Variants in KITLG observed in about 807,000 individuals in gnomAD.
The protein encoded by KITLG is KIT ligand.
In KITLG, 13 loss-of-function variants were observed where a neutral mutation model predicts 34.1. The ratio of observed to expected loss-of-function variants is 0.38; its 90% CI spans 0.25 to 0.61. KITLG has a LOEUF of 0.61. Among genes scored for constraint, KITLG ranks in the 20% least tolerant of loss-of-function variants. KITLG has a pLI of 0.60. For missense variants in KITLG, 292 were observed against 318.9 expected (o/e 0.92, Z 0.64); for synonymous variants, 110 against 104.0 (o/e 1.06, Z -0.35).
At chr12:88,529,328 C>A (rs1423159390) in intron 3 of KITLG, among the ~76,000 whole-genome samples, 1 of 152,000 alleles carries the variant, frequency 6.6e-6, no homozygotes. Flanking sequence ...CCAGAAATAT[C>A]CAGGTATTCT....
At position 88,499,141 on chromosome 12, in the gene KITLG, G is replaced by A. The variant is rs574195197; in HGVS notation, c.*38-1960C>T. Reference sequence around the variant, plus strand: ...GTTTAAAAGACATGAACTGATAACTGATATAAATTCATCTAGTATTCTACA... The same window carrying A: ...GTTTAAAAGACATGAACTGATAACTAATATAAATTCATCTAGTATTCTACA... On this transcript the variant is annotated intron_variant, in intron 9 of 9. Coordinates refer to ENST00000644744, the MANE Select transcript of KITLG (RefSeq NM_000899.5). 3.3e-5 allele frequency among the ~76,000 whole-genome samples: 5 copies of A among 152,182 alleles called. No individual in the cohort carries two copies. In the South Asian group the frequency reaches 1.0e-3, roughly 32 times the overall value.
intron 1 of KITLG, among the ~76,000 whole-genome samples, chr12:88,557,101 C>G (rs1415079072): frequency 1.3e-5 from 2 of 152,110 alleles, no homozygotes; most frequent in African/African-American, 4.8e-5. Context: ...TCACTTCGGT[C>G]TTGGTAGAAG....
intron 9 of KITLG, among the ~76,000 whole-genome samples, chr12:88,498,570 C>G (rs1868728870): frequency 6.6e-6 from 1 of 152,042 alleles, no homozygotes; most frequent in Admixed American, 6.6e-5. Context: ...AAACACAAAG[C>G]TTAATATAGA....
intron 3 of KITLG, among the ~76,000 whole-genome samples, chr12:88,519,140 G>A (rs1483526774): frequency 2.0e-5 from 3 of 152,022 alleles, no homozygotes; most frequent in African/African-American, 7.2e-5. Flanking sequence ...GGGATTACAA[G>A]CATGAACCAC....
At chr12:88,508,823 T>G (rs1355565546) in intron 6 of KITLG, among the ~76,000 whole-genome samples, 1 of 152,094 alleles carries the variant, frequency 6.6e-6, no homozygotes, top group African/African-American at 2.4e-5. Context: ...TTGGTATAAT[T>G]AAAGTACTAT....
chr12:88,546,112 C>A, intron 1 of KITLG: 1 of 565,634 alleles, frequency 1.8e-6, no homozygotes. Flanking sequence ...TTTCTTCAGC[C>A]AATTTCCCAA....
At position 88,517,861 on chromosome 12, in the gene KITLG, G is replaced by C. The variant is rs192891294; in HGVS notation, c.363+836C>G. ...GATGGGACACAGGAAAAAGCATTTAGGTATTAAGGTACAGAATCCTGCTTA... is the reference window on the plus strand; with the variant it reads ...GATGGGACACAGGAAAAAGCATTTACGTATTAAGGTACAGAATCCTGCTTA... On this transcript the variant is annotated intron_variant, in intron 4 of 9. Coordinates refer to ENST00000644744, the MANE Select transcript of KITLG (RefSeq NM_000899.5). Among the ~76,000 whole-genome samples, 348 of 152,164 alleles carry C rather than the reference G, an allele frequency of 2.3e-3. 2 individuals are homozygous for C. The highest frequency in any genetic ancestry group is 0.014 in the Middle Eastern group (4 of 294).
intron 2 of KITLG, among the ~76,000 whole-genome samples, chr12:88,541,299 C>T (rs563656139): frequency 3.1e-4 from 47 of 152,188 alleles, no homozygotes; most frequent in Middle Eastern, 3.4e-3. Flanking sequence ...GTAGACTGAC[C>T]TTGAAAAGAC....
intron 1 of KITLG, among the ~76,000 whole-genome samples, chr12:88,578,940 A>G (rs1871918892): frequency 6.6e-6 from 1 of 152,226 alleles, no homozygotes; most frequent in Non-Finnish European, 1.5e-5. Flanking sequence ...TGGTGATTCC[A>G]GGTGCGGTGC....
chr12:88,505,078 C>T, intron 9 of KITLG, 81 bp downstream of exon 9: 1 of 721,388 alleles, frequency 1.4e-6, no homozygotes, highest in Non-Finnish European at 2.4e-6. Flanking sequence ...ACGTAACAAA[C>T]CTGCACATTG....
At chr12:88,566,001 T>C (rs1871431750) in intron 1 of KITLG, among the ~76,000 whole-genome samples, 1 of 152,274 alleles carries the variant, frequency 6.6e-6, no homozygotes, top group Non-Finnish European at 1.5e-5. Context: ...GAGTTTTAAC[T>C]GGCCCTTGTC....
chr12:88,559,027 C>T (rs1407470680), intron 1 of KITLG, among the ~76,000 whole-genome samples: 1 of 152,086 alleles, frequency 6.6e-6, no homozygotes, highest in Non-Finnish European at 1.5e-5. Flanking sequence ...AAAGAACTTA[C>T]TCATGTAACC....
chr12:88,554,317 G>T (rs1489697949), intron 1 of KITLG, among the ~76,000 whole-genome samples: 1 of 152,074 alleles, frequency 6.6e-6, no homozygotes, highest in East Asian at 1.9e-4. Context: ...TATGAGAAGT[G>T]ATTTTAAAAT....
At chr12:88,530,799 C>G (rs964384620) in intron 3 of KITLG, among the ~76,000 whole-genome samples, 1 of 152,118 alleles carries the variant, frequency 6.6e-6, no homozygotes, top group Non-Finnish European at 1.5e-5. Context: ...TTAGGTAGTT[C>G]ATGCTAAAAT....
intron 1 of KITLG, among the ~76,000 whole-genome samples, chr12:88,561,325 T>C (rs1004266674): frequency 6.6e-6 from 1 of 152,184 alleles, no homozygotes; most frequent in Non-Finnish European, 1.5e-5. Flanking sequence ...GCATTCCTAG[T>C]AACATCATGC....
intron 3 of KITLG, among the ~76,000 whole-genome samples, chr12:88,524,296 C>T (rs1301385048): frequency 6.6e-6 from 1 of 152,032 alleles, no homozygotes; most frequent in Non-Finnish European, 1.5e-5. Context: ...TAATATCACC[C>T]TATTTAGAGG....
intron 9 of KITLG, among the ~76,000 whole-genome samples, chr12:88,498,997 T>C (rs1193436703): frequency 6.6e-6 from 1 of 152,212 alleles, no homozygotes; most frequent in Non-Finnish European, 1.5e-5. Flanking sequence ...GACTGGCACC[T>C]GTTTTCCCAT....
At chr12:88,529,723 C>A (rs1870008277) in intron 3 of KITLG, among the ~76,000 whole-genome samples, 1 of 152,192 alleles carries the variant, frequency 6.6e-6, no homozygotes, top group Non-Finnish European at 1.5e-5. Flanking sequence ...GGGACTCTGA[C>A]CACTCGCAAA....
Position 88,580,247 on chromosome 12 carries a change from G to C in KITLG, c.15+17C>G. On this transcript the variant is annotated intron_variant, in intron 1 of 9. Coordinates refer to ENST00000644744, the MANE Select transcript of KITLG (RefSeq NM_000899.5). ...TTTCCTGGAGAGCCTGGGAGCTCCC[G>C]GGCGCGCCCTACTCACTTGTGTCTT... is the stretch of plus-strand genomic sequence containing the variant. 1.9e-6 allele frequency: 3 copies of C among 1,605,918 alleles called. No individual in the cohort carries two copies. The highest frequency in any genetic ancestry group is 2.6e-6 in the Non-Finnish European group (3 of 1,176,250).
Sources: gnomAD v4.1 joint callset for allele counts (sites outside exome capture counted in the v4.1 genomes callset) on GRCh38, gnomAD v4.1.1 for gene constraint, MANE v1.5 for transcripts, NCBI Gene and HGNC (gene_info 2026-07-23, HGNC 2026-07-21) for gene names.